PEX6: variants seen among roughly 807,000 people sequenced by gnomAD.
The protein encoded by PEX6 is peroxisomal biogenesis factor 6.
In PEX6, 55 loss-of-function variants were observed where a neutral mutation model predicts 85.6. The observed-to-expected ratio is 0.64, with a 90% CI of 0.52 to 0.80. PEX6 has a LOEUF of 0.80. Ranked by LOEUF, PEX6 falls within the 30% of genes least tolerant of loss-of-function variation. PEX6 has a pLI of 0.00. For missense variants in PEX6, 1,099 were observed against 1,260.3 expected (o/e 0.87, Z 1.94); for synonymous variants, 519 against 549.1 (o/e 0.95, Z 0.77).
At chr6:42,976,774 T>A (rs1770316985) in intron 1 of PEX6, among the ~76,000 whole-genome samples, 1 of 152,184 alleles carries the variant, frequency 6.6e-6, no homozygotes, top group African/African-American at 2.4e-5. Flanking sequence ...CTATTATCTG[T>A]TCTACAACTT....
intron 3 of PEX6, among the ~76,000 whole-genome samples, chr6:42,972,057 G>C (rs1284049383): frequency 6.6e-6 from 1 of 152,138 alleles, no homozygotes; most frequent in Non-Finnish European, 1.5e-5. Flanking sequence ...CTGAGACTGG[G>C]GGTACTGAGC....
In PEX6 at chr6:42,964,065, C is replaced by A. The variant is rs1769611536; in HGVS notation, c.*270G>T. The A allele has an allele frequency of 1.7e-6, 1 of 583,340 alleles. No homozygotes were observed. The highest frequency in any genetic ancestry group is 3.1e-6 in the Non-Finnish European group (1 of 327,600). The allele number at this position is 583,340 out of a possible 1,614,324, so 36.1% of individuals were successfully genotyped here. ...AGAACTAGCCCTCTCAGGGCCCAAT[C>A]CCCAGAACCCAAGGCCCTGGCCCTC... On this transcript the variant is annotated 3_prime_UTR_variant, in exon 17 of 17. Transcript: ENST00000304611. The surrounding 1 kb of genome is among the most constrained non-coding windows in gnomAD (Gnocchi z 4.6).
chr6:42,968,936 C>G lies in PEX6; in HGVS notation c.1417G>C (p.Gly473Arg). 3.1e-6 allele frequency: 5 copies of G among 1,614,150 alleles called. No homozygotes were observed. Among genetic ancestry groups the G allele is most frequent in the Non-Finnish European group, 4.2e-6 (5 of 1,180,018 alleles). ...TSSVLLRGPP[G>R]CGKTTVVAAA... ...GCAACTACTGTGGTCTTCCCACAGC[C>G]TGGGGGGCCCCGTAGAAGGACACTG... Residue 473 changes from glycine (G) to arginine (R), a missense_variant, in exon 6 of 17, where the codon GGC (glycine) becomes CGC (arginine). Physicochemically the swap from Gly to Arg is moderately radical, Grantham distance 125. Transcript: ENST00000304611.
Position 42,974,888 on chromosome 6 carries a change from A to T in PEX6, c.1033T>A (p.Phe345Ile), listed in dbSNP as rs1770222482. 1.2e-6 allele frequency: 2 copies of T among 1,613,946 alleles called. No homozygotes were observed. The highest frequency in any genetic ancestry group is 1.7e-6 in the Non-Finnish European group (2 of 1,179,946). Residue 345 changes from phenylalanine (F) to isoleucine (I), a missense_variant, in exon 2 of 17, where the codon TTT becomes ATT. Phe to Ile is a conservative substitution (Grantham distance 21). Around this residue, in one of 3 missense-constraint regions of PEX6, gnomAD observed 579 missense variants for 611.6 expected, o/e 0.95. Transcript: ENST00000304611. Reference sequence around the variant, plus strand: ...TAGGTAGCTAACCTGGGTATCTGAAAGTGCCGGTAAAGAACACCGTCATAA... The same window carrying T: ...TAGGTAGCTAACCTGGGTATCTGAATGTGCCGGTAAAGAACACCGTCATAA... The part of the protein sequence containing the change: ...GNYDGVLYRH[F>I]QIPRVVQEGD...
At position 42,964,595 on chromosome 6, in the gene PEX6, T is replaced by G; in HGVS notation, c.2807-124A>C. 7.3e-7 allele frequency: 1 copy of G among 1,361,130 alleles called. No individual in the cohort carries two copies. Among genetic ancestry groups the G allele is most frequent in the Non-Finnish European group, 1.0e-6 (1 of 966,862 alleles). The allele number at this position is 1,361,130 out of a possible 1,614,324, so 84.3% of individuals were successfully genotyped here. A position where few individuals can be genotyped will look rare whatever the true frequency, so the allele number is the denominator to read the frequency against. ...CTTCCCTCTGGAATCCAGGACTAGGTTTGTCTCCCACTAGTTTTTTTTTTC... is the reference window on the plus strand; with the variant it reads ...CTTCCCTCTGGAATCCAGGACTAGGGTTGTCTCCCACTAGTTTTTTTTTTC... On this transcript the variant is annotated intron_variant, in intron 16 of 16. Coordinates refer to ENST00000304611, the MANE Select transcript of PEX6 (RefSeq NM_000287.4). This position sits in a 1 kb window ranked among gnomAD's most constrained non-coding sequence, Gnocchi z 4.6.
At chr6:42,970,687 G>T (rs1581767509) in intron 3 of PEX6, among the ~76,000 whole-genome samples, 1 of 152,050 alleles carries the variant, frequency 6.6e-6, no homozygotes, top group East Asian at 1.9e-4. Context: ...AAATTGAATT[G>T]TATACTTTAA....
intron 1 of PEX6, 150 bp downstream of exon 1, chr6:42,978,119 A>G: frequency 1.1e-6 from 1 of 921,074 alleles, no homozygotes. Context: ...TGCTGGGATT[A>G]CAGGCGTGAG....
At chr6:42,977,291 C>T (rs1770340415) in intron 1 of PEX6, among the ~76,000 whole-genome samples, 2 of 137,724 alleles carry the variant, frequency 1.5e-5, no homozygotes, top group Admixed American at 7.8e-5. Context: ...TTCGCTCTGT[C>T]GTCCAGGCTG....
rs764976498 is a variant in PEX6 at position 42,968,973 on chromosome 6, C to T, written c.1380G>A (p.Leu460=). 1.2e-6 allele frequency: 2 copies of T among 1,612,914 alleles called. No individual in the cohort carries two copies. Among genetic ancestry groups the T allele is most frequent in the South Asian group, 2.2e-5 (2 of 91,042 alleles). The part of the protein sequence containing the change: ...KPRLQPGGAL[L]TGTSSVLLRG... The stretch of plus-strand genomic sequence containing the variant: ...GTAGAAGGACACTGCTAGTTCCTGT[C>T]AGCAGGGCACCCCTGCAACCAGAGA... The change falls in exon 6 of 17, where the codon CTG becomes CTA. Residue 460 remains leucine, a synonymous_variant. Coordinates refer to ENST00000304611, the MANE Select transcript of PEX6 (RefSeq NM_000287.4).
chr6:42,978,120 C>T (rs2150239030), intron 1 of PEX6, 149 bp downstream of exon 1: 2 of 936,524 alleles, frequency 2.1e-6, no homozygotes, highest in East Asian at 2.6e-5. Context: ...GCTGGGATTA[C>T]AGGCGTGAGT....
At chr6:42,977,644 G>T (rs1010398111) in intron 1 of PEX6, among the ~76,000 whole-genome samples, 2 of 150,850 alleles carry the variant, frequency 1.3e-5, no homozygotes, top group Non-Finnish European at 3.0e-5. Context: ...GCCGGGCGTC[G>T]TGGCGCGAGC....
chr6:42,966,281 G>A lies in PEX6; in HGVS notation c.2261C>T (p.Ala754Val), dbSNP rs747879192. The stretch of plus-strand genomic sequence containing the variant: ...GCTGCACTCAGTGGCTACTGCCTTG[G>A]CCAGAAGGGTCTTGCCGGTGCCAGG... ...GPPGTGKTLL[A>V]KAVATECSLT... The change falls in exon 11 of 17, where the codon GCC (alanine) becomes GTC (valine). Residue 754 changes from alanine to valine, a missense_variant. Around this residue, in one of 3 missense-constraint regions of PEX6, gnomAD observed 514 missense variants for 627.0 expected, o/e 0.82. Transcript: ENST00000304611. 1.9e-6 allele frequency: 3 copies of A among 1,612,230 alleles called. No individual in the cohort carries two copies. The highest frequency in any genetic ancestry group is 3.3e-5 in the Admixed American group (2 of 60,028).
At chr6:42,975,095 CTG>C (rs1770234274) in intron 1 of PEX6, 57 bp from the exon 2 acceptor site, 1 of 1,409,092 alleles carries the variant, frequency 7.1e-7, no homozygotes, top group African/African-American at 1.4e-5. Context: ...AGGCTCTAAC[CTG>C]TCTCTCAGCA....
At position 42,969,705 on chromosome 6, in the gene PEX6, C is replaced by A; in HGVS notation, c.1330G>T (p.Glu444Ter). 2 of 1,613,302 alleles carry A rather than the reference C, an allele frequency of 1.2e-6. No homozygotes were observed. The highest frequency in any genetic ancestry group is 1.3e-5 in the African/African-American group (1 of 75,004). ...CGAGGCTTCAGGACAGCACAGAGTT[C>A]AGACACCAAGGCCTCCAGGCCTGGA... ...SPPGLEALVS[E>*]LCAVLKPRLQ... Residue 444 changes from glutamate to a stop codon, truncating the protein, a stop_gained, in exon 5 of 17, where the codon GAA becomes TAA. Transcript: ENST00000304611. LOFTEE classifies it high-confidence loss of function.
Position 42,965,415 on chromosome 6 carries a change from A to C in PEX6, c.2472-47T>G, listed in dbSNP as rs1581758521. The C allele has an allele frequency of 7.3e-7, 1 of 1,377,882 alleles. No individual in the cohort carries two copies. The highest frequency in any genetic ancestry group is 1.4e-5 in the African/African-American group (1 of 70,140). 85.4% of individuals were successfully genotyped at this position (1,377,882 alleles called of 1,614,324 possible). A position where few individuals can be genotyped will look rare whatever the true frequency, so the allele number is the denominator to read the frequency against. ...CAAGAGTCCTTGGTGTCCCCCTTAG[A>C]CTCTGCCCCTGCCTGTGGTACCTCT... On this transcript the variant is annotated intron_variant, in intron 13 of 16. Transcript: ENST00000304611. The surrounding 1 kb of genome is among the most constrained non-coding windows in gnomAD (Gnocchi z 5.0).
chr6:42,966,785 G>A lies in PEX6; in HGVS notation c.1958C>T (p.Ser653Leu), dbSNP rs267608228. The A allele has an allele frequency of 1.2e-5, 20 of 1,613,710 alleles. No homozygotes were observed. In the Admixed American group the frequency reaches 3.0e-4, roughly 24 times the overall value. The change falls in exon 9 of 17, where the codon TCA (serine) becomes TTA (leucine). Residue 653 changes from serine to leucine, a missense_variant. This residue lies in a region of PEX6 where 514 missense variants were observed against 627.0 expected (regional missense o/e 0.82). Coordinates refer to ENST00000304611, the MANE Select transcript of PEX6 (RefSeq NM_000287.4). Reference protein sequence around the residue: ...SRAACTRIKNSGLAGGLTEED... With the variant: ...SRAACTRIKNLGLAGGLTEED... ...TCCGGTGCCCACGTCCTCTTACCCTGAGTTCTTGATCCTGGTGCAGGCTGC... is the reference window on the plus strand; with the variant it reads ...TCCGGTGCCCACGTCCTCTTACCCTAAGTTCTTGATCCTGGTGCAGGCTGC...
chr6:42,966,996 G>A (rs1465160305), intron 8 of PEX6, 138 bp from the exon 9 acceptor site: 1 of 698,180 alleles, frequency 1.4e-6, no homozygotes, highest in Admixed American at 2.5e-5. Flanking sequence ...TTTTGAGACG[G>A]AGTTTTGCTC....
rs1217315759 is a variant in PEX6, at chr6:42,971,683, T to C, written c.1131-1696A>G. ...TCATCTGTATCTGTCCTTGGACCCA[T>C]TGGGCCACTTACTCCAACCCTGCTT... On this transcript the variant is annotated intron_variant, in intron 3 of 16. Coordinates refer to ENST00000304611, the MANE Select transcript of PEX6 (RefSeq NM_000287.4). The surrounding 1 kb of genome is among the most constrained non-coding windows in gnomAD (Gnocchi z 4.4). Among the ~76,000 whole-genome samples, 4 of 152,220 alleles carry C rather than the reference T, an allele frequency of 2.6e-5. No homozygotes were observed. The highest frequency in any genetic ancestry group is 4.8e-5 in the African/African-American group (2 of 41,458).
chr6:42,963,883 CATTGTGT>C lies in PEX6; in HGVS notation c.*445_*451del. On this transcript the variant is annotated 3_prime_UTR_variant, in exon 17 of 17. Coordinates refer to ENST00000304611, the MANE Select transcript of PEX6 (RefSeq NM_000287.4). ...TATAGTCTTTTTCAGTTCCTGCATGCATTGTGTTTATTTATGTCAGAAGGATCAGGCT... is the reference window on the plus strand; with the variant it reads ...TATAGTCTTTTTCAGTTCCTGCATGCTTATTTATGTCAGAAGGATCAGGCT... The C allele has an allele frequency of 1.6e-6, 1 of 625,674 alleles. No individual in the cohort carries two copies. Among genetic ancestry groups the C allele is most frequent in the Non-Finnish European group, 2.7e-6 (1 of 366,564 alleles). The allele number at this position is 625,674 out of a possible 1,614,324, so 38.8% of individuals were successfully genotyped here.
Sources: gnomAD v4.1 joint callset for allele counts (sites outside exome capture counted in the v4.1 genomes callset) on GRCh38, gnomAD v4.1.1 for gene constraint, gnomAD v4.1.1 regional missense constraint, Gnocchi (gnomAD v3.1) non-coding constraint, MANE v1.5 for transcripts, NCBI Gene and HGNC (gene_info 2026-07-23, HGNC 2026-07-21) for gene names.